ORAI3: variants seen among roughly 807,000 people sequenced by gnomAD.
ORAI3 encodes protein orai-3.
ORAI3 carries 15 observed loss-of-function variants against 17.2 expected under a neutral mutation model. The observed-to-expected ratio is 0.87, with a 90% CI of 0.58 to 1.34. ORAI3 has a LOEUF of 1.34. ORAI3 is among the 40% of genes most tolerant of loss of function. ORAI3 has a pLI of 0.00. For missense variants in ORAI3, 405 were observed against 396.7 expected (o/e 1.02, Z -0.18); for synonymous variants, 178 against 172.4 (o/e 1.03, Z -0.25).
chr16:30,952,277 G>A (rs1219647258), intron 1 of ORAI3, among the ~76,000 whole-genome samples: 1 of 151,734 alleles, frequency 6.6e-6, no homozygotes, highest in African/African-American at 2.4e-5. Flanking sequence ...CGGGATTACA[G>A]GCGCACACCA....
At chr16:30,953,095 A>T in intron 1 of ORAI3, 90 bp from the exon 2 acceptor site, 2 of 1,216,448 alleles carry the variant, frequency 1.6e-6, no homozygotes, top group Admixed American at 4.6e-5. Context: ...GGTCCTAGGG[A>T]TATGTATCAG....
intron 1 of ORAI3, 57 bp downstream of exon 1, chr16:30,949,574 C>T: frequency 4.2e-6 from 1 of 235,406 alleles, no homozygotes; most frequent in South Asian, 5.8e-5. Context: ...GGGCACAGGT[C>T]GGGGGGGGGG....
chr16:30,954,255 T>G lies in ORAI3; in HGVS notation c.*411T>G. On this transcript the variant is annotated 3_prime_UTR_variant, in exon 2 of 2. Transcript: ENST00000318663. ...TTTTTTTTTTTTTTGAGACAGTCTGTTTCCCAGGCTGGAGTGTAGTGATAC... is the reference window on the plus strand; with the variant it reads ...TTTTTTTTTTTTTTGAGACAGTCTGGTTCCCAGGCTGGAGTGTAGTGATAC... 1.6e-6 allele frequency: 1 copy of G among 630,472 alleles called. No homozygotes were observed. The allele number at this position is 630,472 out of a possible 1,614,324, so 39.1% of individuals were successfully genotyped here.
Position 30,949,074 on chromosome 16 carries a change from T to G in ORAI3, c.-216T>G. Reference sequence around the variant, plus strand: ...CCGGCTCCGCCTCTGTCCCAGTTCCTGTTTTGGCCTCCGCTGTCCCGCTCC... The same window carrying G: ...CCGGCTCCGCCTCTGTCCCAGTTCCGGTTTTGGCCTCCGCTGTCCCGCTCC... On this transcript the variant is annotated 5_prime_UTR_variant, in exon 1 of 2. Transcript: ENST00000318663. 1 of 434,276 alleles carries G rather than the reference T, an allele frequency of 2.3e-6. No individual in the cohort carries two copies. Among genetic ancestry groups the G allele is most frequent in the Non-Finnish European group, 4.0e-6 (1 of 248,300 alleles). 26.9% of individuals were successfully genotyped at this position (434,276 alleles called of 1,614,324 possible). A position where few individuals can be genotyped will look rare whatever the true frequency, so the allele number is the denominator to read the frequency against.
At chr16:30,949,597 G>T (rs548665750) in intron 1 of ORAI3, 80 bp downstream of exon 1, 2 of 913,530 alleles carry the variant, frequency 2.2e-6, no homozygotes, top group Non-Finnish European at 3.1e-6. Flanking sequence ...AAGTAAACAG[G>T]TCCCAAGGGA....
rs771105867 is a variant in ORAI3 at position 30,949,503 on chromosome 16, T to C, written c.214T>C (p.Ser72Pro). The change falls in exon 1 of 2, where the codon TCG (serine) becomes CCG (proline). Residue 72 changes from serine (S) to proline (P), a missense_variant. By Grantham distance (74) the Ser-to-Pro change is moderately conservative. Transcript: ENST00000318663. Reference sequence around the variant, plus strand: ...TTCCAGCCGCACGTCTGCCTTGCTCTCGGGCTTCGCCATGGTGAGGGGCCG... The same window carrying C: ...TTCCAGCCGCACGTCTGCCTTGCTCCCGGGCTTCGCCATGGTGAGGGGCCG... The part of the protein sequence containing the change: ...KASSRTSALL[S>P]GFAMVAMVEV... 2 of 1,446,772 alleles carry C rather than the reference T, an allele frequency of 1.4e-6. No homozygotes were observed. The highest frequency in any genetic ancestry group is 1.8e-6 in the Non-Finnish European group (2 of 1,084,066). 89.6% of individuals were successfully genotyped at this position (1,446,772 alleles called of 1,614,324 possible).
rs1173055148 is a variant in ORAI3 at position 30,953,459 on chromosome 16, TG to T, written c.505del (p.Val169LeufsTer114). ...TTTCTCTTCCTTGCTGAAGTTGTCC[TG>T]GTTGGTTGGGTCAAGTTTGTGCCCA... ...GTFLFLAEVV[L>X]VGWVKFVPIG... On this transcript the variant is annotated frameshift_variant, in exon 2 of 2. Coordinates refer to ENST00000318663, the MANE Select transcript of ORAI3 (RefSeq NM_152288.3). LOFTEE classifies it high-confidence loss of function. 6.2e-7 allele frequency: 1 copy of T among 1,614,246 alleles called. No individual in the cohort carries two copies. The highest frequency in any genetic ancestry group is 1.3e-5 in the African/African-American group (1 of 75,078).
intron 1 of ORAI3, among the ~76,000 whole-genome samples, chr16:30,952,323 CAG>C (rs1236340595): frequency 1.3e-5 from 2 of 152,048 alleles, no homozygotes; most frequent in Admixed American, 1.3e-4. Flanking sequence ...TTAGTAGAGA[CAG>C]GGTTTCACCA....
chr16:30,951,930 G>C (rs941233149), intron 1 of ORAI3, among the ~76,000 whole-genome samples: 13 of 152,138 alleles, frequency 8.5e-5, no homozygotes, highest in Admixed American at 8.5e-4. Flanking sequence ...AGCAAAACAC[G>C]TCTGCAAGCT....
chr16:30,949,441 G>A lies in ORAI3; in HGVS notation c.152G>A (p.Trp51Ter). ...ASQHSLRALS[W>*]RRLYLSRAKL... ...CAGCACTCGCTGCGGGCGCTCAGCT[G>A]GCGCCGCCTCTACCTCAGCCGGGCC... The change falls in exon 1 of 2, where the codon TGG becomes TAG. Residue 51 changes from tryptophan to a stop codon, truncating the protein, a stop_gained. Transcript: ENST00000318663. LOFTEE classifies it high-confidence loss of function. 1 of 1,607,192 alleles carries A rather than the reference G, an allele frequency of 6.2e-7. No homozygotes were observed. Among genetic ancestry groups the A allele is most frequent in the Non-Finnish European group, 8.5e-7 (1 of 1,178,262 alleles).
intron 1 of ORAI3, among the ~76,000 whole-genome samples, chr16:30,950,832 A>G (rs888466040): frequency 3.9e-5 from 6 of 152,200 alleles, no homozygotes; most frequent in African/African-American, 1.4e-4. Flanking sequence ...GAGGGAGGTC[A>G]ACCCCATGGT....
intron 1 of ORAI3, among the ~76,000 whole-genome samples, chr16:30,950,538 C>T (rs891249973): frequency 4.6e-5 from 7 of 152,106 alleles, no homozygotes; most frequent in African/African-American, 1.4e-4. Context: ...CTTTGGGGAA[C>T]GCACTCCTGT....
At chr16:30,951,223 T>A (rs1026678948) in intron 1 of ORAI3, among the ~76,000 whole-genome samples, 3 of 152,216 alleles carry the variant, frequency 2.0e-5, no homozygotes, top group African/African-American at 7.2e-5. Context: ...AGTGGGCTTC[T>A]GAAACTCAGG....
In ORAI3 at chr16:30,953,434, TTTC is replaced by T; in HGVS notation, c.480_482del (p.Leu161del). ...GGGCTTCTCCACTGCCCTGGGCACC[TTTC>T]TCTTCCTTGCTGAAGTTGTCCTGGT... On this transcript the variant is annotated inframe_deletion, in exon 2 of 2. Transcript: ENST00000318663. 1 of 1,614,252 alleles carries T rather than the reference TTTC, an allele frequency of 6.2e-7. No homozygotes were observed. The highest frequency in any genetic ancestry group is 8.5e-7 in the Non-Finnish European group (1 of 1,180,036).
Position 30,953,588 on chromosome 16 carries a change from C to T in ORAI3, c.632C>T (p.Pro211Leu), listed in dbSNP as rs377185801. 18 of 1,614,230 alleles carry T rather than the reference C, an allele frequency of 1.1e-5. No individual in the cohort carries two copies. The East Asian group carries it at 1.8e-4, about 16-fold the overall frequency. ...TCCCTTAGTCCAGCTTCCAATCTCCCACGGTCCTCTGCGTCTGCAGCACCG... is the reference window on the plus strand; with the variant it reads ...TCCCTTAGTCCAGCTTCCAATCTCCTACGGTCCTCTGCGTCTGCAGCACCG... ...ATSLSPASNL[P>L]RSSASAAPSQ... Residue 211 changes from proline to leucine, a missense_variant, in exon 2 of 2, where the codon CCA (proline) becomes CTA (leucine). Coordinates refer to ENST00000318663, the MANE Select transcript of ORAI3 (RefSeq NM_152288.3).
At position 30,954,015 on chromosome 16, in the gene ORAI3, G is replaced by A. The variant is rs780329698; in HGVS notation, c.*171G>A. The A allele has an allele frequency of 1.5e-5, 12 of 774,928 alleles. No individual in the cohort carries two copies. The highest frequency in any genetic ancestry group is 2.4e-5 in the Non-Finnish European group (11 of 451,348). 48.0% of individuals were successfully genotyped at this position (774,928 alleles called of 1,614,324 possible). A position where few individuals can be genotyped will look rare whatever the true frequency, so the allele number is the denominator to read the frequency against. ...CGCAGGGTCCTCTGGGCTGGGCCTT[G>A]GGGCAGCTCCCACATTCCCAGGGAT... On this transcript the variant is annotated 3_prime_UTR_variant, in exon 2 of 2. Transcript: ENST00000318663.
Position 30,949,100 on chromosome 16 carries a change from G to A in ORAI3, c.-190G>A, listed in dbSNP as rs557106187. 8.5e-5 allele frequency: 40 copies of A among 473,190 alleles called. No individual in the cohort carries two copies. In the East Asian group the frequency reaches 1.4e-3, roughly 16 times the overall value. 29.3% of individuals were successfully genotyped at this position (473,190 alleles called of 1,614,324 possible). On this transcript the variant is annotated 5_prime_UTR_variant, in exon 1 of 2. Transcript: ENST00000318663. ...GTTTTGGCCTCCGCTGTCCCGCTCC[G>A]GCTCCTGGGGCTCCCCGCAGACGCT...
At chr16:30,951,387 G>A (rs1302962261) in intron 1 of ORAI3, among the ~76,000 whole-genome samples, 3 of 152,216 alleles carry the variant, frequency 2.0e-5, no homozygotes, top group African/African-American at 4.8e-5. Context: ...GAGGATCAGA[G>A]ATGTTAAGAC....
chr16:30,951,285 A>T (rs570177845), intron 1 of ORAI3, among the ~76,000 whole-genome samples: 2 of 152,320 alleles, frequency 1.3e-5, no homozygotes, highest in East Asian at 1.9e-4. Context: ...GTCACTAAGC[A>T]CCAGGCACTG....
Sources: gnomAD v4.1 joint callset for allele counts (sites outside exome capture counted in the v4.1 genomes callset) on GRCh38, gnomAD v4.1.1 for gene constraint, MANE v1.5 for transcripts, NCBI Gene and HGNC (gene_info 2026-07-23, HGNC 2026-07-21) for gene names.